The following ZDHHC8 variants were observed in gnomAD, a reference collection of about 807,000 sequenced individuals.
ZDHHC8 encodes the protein zDHHC palmitoyltransferase 8.
Under a neutral mutation model 61.2 loss-of-function variants are expected in ZDHHC8, and 24 were observed. The ratio of observed to expected loss-of-function variants is 0.39; its 90% CI spans 0.28 to 0.55. The LOEUF is 0.55. Ranked by LOEUF, ZDHHC8 falls within the 20% of genes least tolerant of loss-of-function variation. The probability of loss-of-function intolerance (pLI) is 0.60; values close to 1 mark genes in which losing one functional copy is unlikely to be tolerated. For synonymous variants in ZDHHC8, 523 were observed against 492.5 expected, an observed-to-expected ratio of 1.06 and a Z score of -0.82; for missense variants, 935 against 1,102.1, an observed-to-expected ratio of 0.85 and a Z score of 2.15.
intron 1 of ZDHHC8, among the ~76,000 whole-genome samples, chr22:20,138,833 T>G (rs1010620983): frequency 2.0e-5 from 3 of 152,090 alleles, no homozygotes; most frequent in African/African-American, 4.8e-5. Flanking sequence ...GCATTTTCCA[T>G]CTGGGGCTCC....
chr22:20,137,327 G>A lies in ZDHHC8; in HGVS notation c.105-1867G>A, dbSNP rs148257166. Among the ~76,000 whole-genome samples, 1,319 of 152,338 alleles carry A rather than the reference G, an allele frequency of 8.7e-3. 15 individuals carry two copies. The highest frequency in any genetic ancestry group is 0.013 in the Non-Finnish European group (854 of 68,018). ...CAAGTCAGCATGGGGTTCAGGCCCCGCCTGCCTGATGGGCGAACACACCCC... is the reference window on the plus strand; with the variant it reads ...CAAGTCAGCATGGGGTTCAGGCCCCACCTGCCTGATGGGCGAACACACCCC... On this transcript the variant is annotated intron_variant, in intron 1 of 10. Coordinates refer to ENST00000334554, the MANE Select transcript of ZDHHC8 (RefSeq NM_013373.4).
rs1446375976 is a variant in ZDHHC8, at chr22:20,146,078, G to A, written c.*678G>A. On this transcript the variant is annotated 3_prime_UTR_variant, in exon 11 of 11. Transcript: ENST00000334554. ...GCCGTGTCTGATGTGTCAGTGCTCC[G>A]GCCGCCGCTGTCCCTTTCATCAAAG... 27 of 985,706 alleles carry A rather than the reference G, an allele frequency of 2.7e-5. No homozygotes were observed. The highest frequency in any genetic ancestry group is 3.1e-5 in the Non-Finnish European group (26 of 830,006). The allele number at this position is 985,706 out of a possible 1,614,324, so 61.1% of individuals were successfully genotyped here.
intron 1 of ZDHHC8, among the ~76,000 whole-genome samples, chr22:20,134,794 G>T (rs868807533): frequency 6.6e-6 from 1 of 152,216 alleles, no homozygotes. Flanking sequence ...GGACCAGCAG[G>T]ACATTCACAC....
At position 20,132,071 on chromosome 22, in the gene ZDHHC8, G is replaced by A. The variant is rs1317450395; in HGVS notation, c.104+20G>A. On this transcript the variant is annotated intron_variant, in intron 1 of 10. Coordinates refer to ENST00000334554, the MANE Select transcript of ZDHHC8 (RefSeq NM_013373.4). ...GTTCACGTGAGTCGGCGCCGCGTCTGGGGGCACGCGGGCAGCGATGGGCAG... is the reference window on the plus strand; with the variant it reads ...GTTCACGTGAGTCGGCGCCGCGTCTAGGGGCACGCGGGCAGCGATGGGCAG... 7.7e-5 allele frequency: 96 copies of A among 1,253,708 alleles called. 1 individual carries two copies. The highest frequency in any genetic ancestry group is 9.8e-5 in the Non-Finnish European group (96 of 979,046). 77.7% of individuals were successfully genotyped at this position (1,253,708 alleles called of 1,614,324 possible).
intron 1 of ZDHHC8, among the ~76,000 whole-genome samples, chr22:20,138,259 C>G (rs1370454483): frequency 6.6e-6 from 1 of 152,236 alleles, no homozygotes; most frequent in African/African-American, 2.4e-5. Context: ...GGACGCAAAC[C>G]CCTGTGTTCC....
At chr22:20,137,513 C>T (rs1258591222) in intron 1 of ZDHHC8, among the ~76,000 whole-genome samples, 1 of 152,254 alleles carries the variant, frequency 6.6e-6, no homozygotes, top group African/African-American at 2.4e-5. Flanking sequence ...CCAGAGCAGG[C>T]CAGCCCCACG....
At chr22:20,138,452 G>A (rs1171842846) in intron 1 of ZDHHC8, among the ~76,000 whole-genome samples, 1 of 152,230 alleles carries the variant, frequency 6.6e-6, no homozygotes, top group Non-Finnish European at 1.5e-5. Context: ...AAGGGCTGAG[G>A]AAGGCGCCTT....
chr22:20,132,152 G>A (rs1374433919), intron 1 of ZDHHC8, 101 bp downstream of exon 1: 1 of 699,830 alleles, frequency 1.4e-6, no homozygotes, highest in Non-Finnish European at 1.8e-6. Flanking sequence ...GGGGCCCCGG[G>A]CAGTGGGCGG....
At chr22:20,143,863 T>C (rs1336791633) in intron 10 of ZDHHC8, 107 bp downstream of exon 10, 3 of 1,363,886 alleles carry the variant, frequency 2.2e-6, no homozygotes, top group Middle Eastern at 5.3e-4. Context: ...GGGGCCTGAG[T>C]TTTTCTCTGG....
chr22:20,143,000 C>A lies in ZDHHC8; in HGVS notation c.1370C>A (p.Pro457His). The change falls in exon 10 of 11, where the codon CCC becomes CAC. Residue 457 changes from proline (P) to histidine (H), a missense_variant. Pro to His is a moderately conservative substitution (Grantham distance 77). Transcript: ENST00000334554. Reference sequence around the variant, plus strand: ...CAGCCCCTGCGCTCTGAGGGGGGGCCCCCCACGCCCCACCGTAGCATTTTT... The same window carrying A: ...CAGCCCCTGCGCTCTGAGGGGGGGCACCCCACGCCCCACCGTAGCATTTTT... The part of the protein sequence containing the change: ...ALQPLRSEGG[P>H]PTPHRSIFAP... 6.2e-7 allele frequency: 1 copy of A among 1,606,412 alleles called. No individual in the cohort carries two copies. The highest frequency in any genetic ancestry group is 8.5e-7 in the Non-Finnish European group (1 of 1,175,640).
chr22:20,132,888 TTC>T (rs2050389235), intron 1 of ZDHHC8, among the ~76,000 whole-genome samples: 1 of 152,196 alleles, frequency 6.6e-6, no homozygotes, highest in Non-Finnish European at 1.5e-5. Flanking sequence ...GGCTCCAGGC[TTC>T]GGTTGCACAG....
chr22:20,139,216 G>T lies in ZDHHC8; in HGVS notation c.127G>T (p.Val43Leu). 6.2e-7 allele frequency: 1 copy of T among 1,613,862 alleles called. No homozygotes were observed. The highest frequency in any genetic ancestry group is 8.5e-7 in the Non-Finnish European group (1 of 1,179,936). ...VFTCPWLTRA[V>L]SPAVPVYNGI... ...CAGGTGCCCGTGGTTGACACGAGCT[G>T]TGTCCCCAGCTGTTCCCGTCTACAA... is the stretch of plus-strand genomic sequence containing the variant. Residue 43 changes from valine to leucine, a missense_variant, in exon 2 of 11, where the codon GTG becomes TTG. Val to Leu is a conservative substitution (Grantham distance 32). Transcript: ENST00000334554.
In ZDHHC8 at chr22:20,139,297, C is replaced by A; in HGVS notation, c.208C>A (p.Pro70Thr). Residue 70 changes from proline (P) to threonine (T), a missense_variant, in exon 2 of 11, where the codon CCT (proline) becomes ACT (threonine). This residue lies in a region of ZDHHC8 where 199 missense variants were observed against 334.0 expected (regional missense o/e 0.60). Coordinates refer to ENST00000334554, the MANE Select transcript of ZDHHC8 (RefSeq NM_013373.4). ...ANFSMATFMD[P>T]GVFPRADEDE... ...CTTCAGCATGGCCACTTTCATGGAC[C>A]CTGGTGTTTTCCCCCGAGGTAGGGC... 1 of 1,613,796 alleles carries A rather than the reference C, an allele frequency of 6.2e-7. No homozygotes were observed. Among genetic ancestry groups the A allele is most frequent in the Non-Finnish European group, 8.5e-7 (1 of 1,179,926 alleles).
Position 20,139,480 on chromosome 22 carries a change from G to T in ZDHHC8, c.229G>T (p.Asp77Tyr). Residue 77 changes from aspartate to tyrosine, a missense_variant and splice_region_variant, in exon 3 of 11, where the codon GAT becomes TAT. This residue lies in a region of ZDHHC8 where 199 missense variants were observed against 334.0 expected (regional missense o/e 0.60). Coordinates refer to ENST00000334554, the MANE Select transcript of ZDHHC8 (RefSeq NM_013373.4). ...ACTGCCTGGCTCCTGGTCTGTAGCG[G>T]ATGAGGATGAGGACAAGGAGGACGA... ...FMDPGVFPRA[D>Y]EDEDKEDDFR... 1 of 1,613,620 alleles carries T rather than the reference G, an allele frequency of 6.2e-7. No individual in the cohort carries two copies. The highest frequency in any genetic ancestry group is 8.5e-7 in the Non-Finnish European group (1 of 1,179,926).
chr22:20,132,243 G>A (rs1242364402), intron 1 of ZDHHC8, among the ~76,000 whole-genome samples, 192 bp downstream of exon 1: 2 of 152,162 alleles, frequency 1.3e-5, no homozygotes, highest in Non-Finnish European at 2.9e-5. Flanking sequence ...CCGGCGTCCC[G>A]GGCACCGGGG....
Position 20,143,421 on chromosome 22 carries a change from C to T in ZDHHC8, c.1791C>T (p.Pro597=). ...AGGCCAGTGTGCTGTCCGAGGGCCCCCGAGGTCCCGCGCTGCGCTATGGCT... is the reference window on the plus strand; with the variant it reads ...AGGCCAGTGTGCTGTCCGAGGGCCCTCGAGGTCCCGCGCTGCGCTATGGCT... ...LQQASVLSEG[P]RGPALRYGSR... The change falls in exon 10 of 11, where the codon CCC becomes CCT. Residue 597 remains proline, a synonymous_variant. Transcript: ENST00000334554. 6.3e-7 allele frequency: 1 copy of T among 1,596,696 alleles called. No homozygotes were observed. The highest frequency in any genetic ancestry group is 8.5e-7 in the Non-Finnish European group (1 of 1,176,864).
At chr22:20,143,805 C>G (rs779419805) in intron 10 of ZDHHC8, 49 bp downstream of exon 10, 5 of 1,546,144 alleles carry the variant, frequency 3.2e-6, no homozygotes, top group Admixed American at 1.9e-5. Context: ...GGCAGCTGTC[C>G]AGCCGTCTCC....
Position 20,147,967 on chromosome 22 carries a change from C to T in ZDHHC8, c.*2567C>T, listed in dbSNP as rs1240034242. ...TTCTCTATTGTTCTTAAGGGTACCC[C>T]TGCTAATTAATTCCCCAAATAAAAT... On this transcript the variant is annotated 3_prime_UTR_variant, in exon 11 of 11. Transcript: ENST00000334554. The T allele has an allele frequency of 1.3e-5, 2 of 152,382 alleles. No individual in the cohort carries two copies. Among genetic ancestry groups the T allele is most frequent in the African/African-American group, 2.4e-5 (1 of 41,476 alleles). 9.4% of individuals were successfully genotyped at this position (152,382 alleles called of 1,614,324 possible).
intron 9 of ZDHHC8, among the ~76,000 whole-genome samples, chr22:20,142,084 C>T (rs778367504): frequency 1.3e-5 from 2 of 152,308 alleles, no homozygotes; most frequent in Admixed American, 6.5e-5. Context: ...TGGGCCACCC[C>T]GAGAGGCAGG....
Sources: gnomAD v4.1 joint callset for allele counts (sites outside exome capture counted in the v4.1 genomes callset) on GRCh38, gnomAD v4.1.1 for gene constraint, gnomAD v4.1.1 regional missense constraint, MANE v1.5 for transcripts, NCBI Gene and HGNC (gene_info 2026-07-23, HGNC 2026-07-21) for gene names.